PIK3C2G: variants seen among roughly 807,000 people sequenced by gnomAD.
PIK3C2G encodes the protein phosphatidylinositol 3-kinase C2 domain-containing subunit gamma.
In PIK3C2G, 168 loss-of-function variants were observed where a neutral mutation model predicts 181.1. That is an observed-to-expected ratio of 0.93 (90% CI 0.82 to 1.05). The LOEUF is 1.05. PIK3C2G is among the 50% of genes least tolerant of loss of function. The probability of loss-of-function intolerance (pLI) is 0.00; values close to 1 mark genes in which losing one functional copy is unlikely to be tolerated. For missense variants in PIK3C2G, 1,869 were observed against 1,732.8 expected (o/e 1.08, Z -1.40); for synonymous variants, 573 against 592.2 (o/e 0.97, Z 0.47).
At chr12:18,441,980 C>T (rs1946769391) in intron 18 of PIK3C2G, among the ~76,000 whole-genome samples, 1 of 151,946 alleles carries the variant, frequency 6.6e-6, no homozygotes, top group Admixed American at 6.6e-5. Flanking sequence ...AAATATGAAA[C>T]TTTAAAAATA....
chr12:18,481,991 A>T (rs893771217), intron 18 of PIK3C2G, among the ~76,000 whole-genome samples: 16 of 152,174 alleles, frequency 1.1e-4, no homozygotes, highest in Non-Finnish European at 1.6e-4. Flanking sequence ...TTAACGATTT[A>T]AAAAATACTA....
intron 24 of PIK3C2G, among the ~76,000 whole-genome samples, chr12:18,508,525 A>G (rs930705034): frequency 6.6e-6 from 1 of 152,166 alleles, no homozygotes; most frequent in Non-Finnish European, 1.5e-5. Flanking sequence ...TTCCCCTAGG[A>G]TAAATGAAAG....
chr12:18,653,021 AACCCCT>A (rs1950585056), downstream of PIK3C2G, among the ~76,000 whole-genome samples: 1 of 152,042 alleles, frequency 6.6e-6, no homozygotes, highest in African/African-American at 2.4e-5. Context: ...CACCCCCTCA[AACCCCT>A]ACCTATCACT....
intron 29 of PIK3C2G, among the ~76,000 whole-genome samples, chr12:18,570,577 G>A (rs1307902308): frequency 6.7e-6 from 1 of 150,144 alleles, no homozygotes; most frequent in African/African-American, 2.5e-5. Flanking sequence ...GAGGGCAAGG[G>A]ACCTGTGGAC....
At chr12:18,726,190 G>C in the PIK3C2G span, among the ~76,000 whole-genome samples, 1 of 152,122 alleles carries the variant, frequency 6.6e-6, no homozygotes, top group African/African-American at 2.4e-5. Flanking sequence ...TAGGAAAAGA[G>C]ATTTAAAAAT....
chr12:18,517,944 G>A (rs1387266201), intron 24 of PIK3C2G, among the ~76,000 whole-genome samples: 1 of 152,144 alleles, frequency 6.6e-6, no homozygotes, highest in Admixed American at 6.6e-5. Context: ...AACATGAAGG[G>A]ATGTTGAATT....
chr12:18,528,070 A>G (rs1451005081), intron 24 of PIK3C2G, among the ~76,000 whole-genome samples: 2 of 152,136 alleles, frequency 1.3e-5, no homozygotes, highest in Non-Finnish European at 1.5e-5. Context: ...CTATAATAGT[A>G]CATGCACTCT....
At chr12:18,358,633 C>A (rs555400875) in intron 11 of PIK3C2G, 2 of 485,392 alleles carry the variant, frequency 4.1e-6, no homozygotes, top group Admixed American at 2.1e-5. Flanking sequence ...AAAAAAAATT[C>A]CTATCCTCAG....
chr12:18,260,635 G>C (rs1046955126), upstream of PIK3C2G, among the ~76,000 whole-genome samples: 1 of 151,708 alleles, frequency 6.6e-6, no homozygotes, highest in African/African-American at 2.4e-5. Context: ...TTCCATGTAA[G>C]AAATCATTCT....
the PIK3C2G span, among the ~76,000 whole-genome samples, chr12:18,690,218 T>A: frequency 6.6e-6 from 1 of 151,118 alleles, no homozygotes; most frequent in African/African-American, 2.5e-5. Context: ...TTTTTGTTTG[T>A]TTGTTTGTTT....
At chr12:18,359,155 T>C (rs1057347621) in intron 11 of PIK3C2G, among the ~76,000 whole-genome samples, 1 of 152,230 alleles carries the variant, frequency 6.6e-6, no homozygotes, top group Non-Finnish European at 1.5e-5. Context: ...AATTCTGAGA[T>C]GTTTTGTAAT....
intron 29 of PIK3C2G, among the ~76,000 whole-genome samples, chr12:18,584,670 A>G (rs1266853725): frequency 6.6e-6 from 1 of 152,242 alleles, no homozygotes; most frequent in Non-Finnish European, 1.5e-5. Context: ...GAGGAAAACA[A>G]TAAAACTCAG....
In PIK3C2G at chr12:18,457,240, C is replaced by T. The variant is rs191780901; in HGVS notation, c.2505-31209C>T. Among the ~76,000 whole-genome samples the T allele has an allele frequency of 5.3e-5, 8 of 152,186 alleles. 1 individual carries two copies. Among genetic ancestry groups the T allele is most frequent in the East Asian group, 1.9e-4 (1 of 5,172 alleles). ...TACATATAAATATAAAATTGATGTT[C>T]GCAGAGAATAGTTAAGTGCTTTCCT... On this transcript the variant is annotated intron_variant, in intron 18 of 32. Coordinates refer to ENST00000538779, the MANE Select transcript of PIK3C2G (RefSeq NM_001288772.2).
At chr12:18,521,444 G>A (rs796445124) in intron 24 of PIK3C2G, among the ~76,000 whole-genome samples, 72 of 152,332 alleles carry the variant, frequency 4.7e-4, no homozygotes, top group African/African-American at 1.6e-3. Context: ...CCAAGCCCCT[G>A]GCTGGAGTTG....
intron 18 of PIK3C2G, among the ~76,000 whole-genome samples, chr12:18,440,710 C>T (rs1946701101): frequency 6.6e-6 from 1 of 151,786 alleles, no homozygotes; most frequent in Non-Finnish European, 1.5e-5. Flanking sequence ...GATGAGGTTA[C>T]AGGGGGAAAG....
At chr12:18,628,563 G>C (rs2136708217) in intron 31 of PIK3C2G, among the ~76,000 whole-genome samples, 1 of 152,294 alleles carries the variant, frequency 6.6e-6, no homozygotes, top group South Asian at 2.1e-4. Flanking sequence ...ATACCATTTA[G>C]AGGTCAACAT....
At position 18,300,507 on chromosome 12, in the gene PIK3C2G, T is replaced by A. The variant is rs141647649; in HGVS notation, c.1034+6492T>A. On this transcript the variant is annotated intron_variant, in intron 5 of 32. Transcript: ENST00000538779. ...TCCCTTCACTTTCAGTCTATATGTG[T>A]CTTTATAAGTGACATTTCTTGTAGA... Among the ~76,000 whole-genome samples, 493 of 152,182 alleles carry A rather than the reference T, an allele frequency of 3.2e-3. 5 individuals carry two copies. Among genetic ancestry groups the A allele is most frequent in the African/African-American group, 0.011 (472 of 41,546 alleles).
intron 32 of PIK3C2G, among the ~76,000 whole-genome samples, chr12:18,645,744 C>A (rs2136840951): frequency 6.6e-6 from 1 of 152,252 alleles, no homozygotes; most frequent in East Asian, 1.9e-4. Context: ...GGATTATTAT[C>A]ATCATTATAC....
At chr12:18,717,412 C>G in the PIK3C2G span, among the ~76,000 whole-genome samples, 2 of 152,052 alleles carry the variant, frequency 1.3e-5, no homozygotes, top group Admixed American at 1.3e-4. Flanking sequence ...TTGATATTAT[C>G]TTGGAATTAG....
Sources: allele counts gnomAD v4.1 joint callset (sites outside exome capture counted in the v4.1 genomes callset), GRCh38; gene constraint gnomAD v4.1.1; transcripts MANE v1.5; gene names NCBI Gene and HGNC (gene_info 2026-07-23, HGNC 2026-07-21).